The following SMARCA1 variants were observed in gnomAD, a reference collection of about 807,000 sequenced individuals.
SMARCA1 encodes SNF2 related chromatin remodeling ATPase 1.
A neutral mutation model predicts 93.6 loss-of-function variants in SMARCA1; 17 were observed. The ratio of observed to expected loss-of-function variants is 0.18; its 90% CI spans 0.12 to 0.27. SMARCA1 has a LOEUF of 0.27. Ranked by LOEUF, SMARCA1 falls within the 10% of genes least tolerant of loss-of-function variation. The probability of loss-of-function intolerance (pLI) is 1.00; values close to 1 mark genes in which losing one functional copy is unlikely to be tolerated. For synonymous variants in SMARCA1, 271 were observed against 271.4 expected (o/e 1.00, Z 0.01); for missense variants, 630 against 819.0 (o/e 0.77, Z 2.82).
At position 129,487,016 on chromosome X, in the gene SMARCA1, A is replaced by C; in HGVS notation, c.2217+2T>G. On this transcript the variant is annotated splice_donor_variant, in intron 17 of 24. Coordinates refer to ENST00000371121, the MANE Select transcript of SMARCA1 (RefSeq NM_001282874.2). LOFTEE classifies it high-confidence loss of function. The stretch of plus-strand genomic sequence containing the variant: ...GTCTAATGGTTGAGAGTAAAAAGTT[A>C]CCTTCTGTTTTTCTCTATAATCTTC... The C allele has an allele frequency of 8.6e-7, 1 of 1,169,003 alleles. No homozygotes were observed. Among genetic ancestry groups the C allele is most frequent in the Non-Finnish European group, 1.2e-6 (1 of 869,472 alleles).
At chrX:129,479,402 T>C (rs1325019827) in intron 19 of SMARCA1, among the ~76,000 whole-genome samples, 1 of 110,757 alleles carries the variant, frequency 9.0e-6, no homozygotes, top group Non-Finnish European at 1.9e-5. Flanking sequence ...GGTGTATCAC[T>C]GTTTTCACTT....
At chrX:129,506,529 TA>T (rs1407426366) in intron 7 of SMARCA1, among the ~76,000 whole-genome samples, 1 of 106,857 alleles carries the variant, frequency 9.4e-6, no homozygotes, top group Non-Finnish European at 1.9e-5. Flanking sequence ...CTACTAAAAA[TA>T]CAAAAAAAAA....
intron 23 of SMARCA1, among the ~76,000 whole-genome samples, chrX:129,460,065 G>A (rs1368732733): frequency 8.2e-5 from 9 of 110,362 alleles, no homozygotes; most frequent in Non-Finnish European, 1.3e-4. Flanking sequence ...TGGGAGGTTC[G>A]CTTGAGTCCA....
chrX:129,499,800 T>C lies in SMARCA1; in HGVS notation c.1209A>G (p.Val403=). The C allele has an allele frequency of 8.5e-7, 1 of 1,181,845 alleles. No individual in the cohort carries two copies. Among genetic ancestry groups the C allele is most frequent in the East Asian group, 3.0e-5 (1 of 33,226 alleles). ...CCTTTTTAGGTGGCAGACTCTTCTC[T>C]ACATCAGTTTTTATACGGCGTAACA... The part of the protein sequence containing the change: ...PFLLRRIKTD[V]EKSLPPKKEI... The change falls in exon 10 of 25, where the codon GTA becomes GTG. Residue 403 remains valine (V), a synonymous_variant. Coordinates refer to ENST00000371121, the MANE Select transcript of SMARCA1 (RefSeq NM_001282874.2).
rs1385508340 is a variant in SMARCA1, at chrX:129,468,834, G to A, written c.2637C>T (p.Asp879=). 1 of 1,177,342 alleles carries A rather than the reference G, an allele frequency of 8.5e-7. No individual in the cohort carries two copies. The highest frequency in any genetic ancestry group is 1.8e-5 in the African/African-American group (1 of 56,538). ...IKANEKYGRD[D]IDNIAREVEG... is the part of the protein sequence containing the mutation. The stretch of plus-strand genomic sequence containing the variant: ...CTACCTCTCGAGCTATGTTATCAAT[G>A]TCATCTCTTCCATATTTCTCATTAG... The change falls in exon 21 of 25, where the codon GAC becomes GAT. Residue 879 remains aspartate (D), a synonymous_variant. Coordinates refer to ENST00000371121, the MANE Select transcript of SMARCA1 (RefSeq NM_001282874.2).
intron 4 of SMARCA1, 39 bp downstream of exon 4, chrX:129,515,855 A>T (rs1173611842): frequency 4.3e-6 from 5 of 1,156,117 alleles, no homozygotes; most frequent in Non-Finnish European, 5.9e-6. Context: ...TTCTAAAACT[A>T]AATTGAAAAA....
intron 15 of SMARCA1, 95 bp downstream of exon 15, chrX:129,489,965 A>G (rs1426852985): frequency 3.2e-6 from 2 of 627,409 alleles, no homozygotes; most frequent in Non-Finnish European, 4.8e-6. Context: ...CTAAGTTTTC[A>G]AATTTTGGTC....
At chrX:129,447,452 T>A (rs1056330910) in intron 24 of SMARCA1, among the ~76,000 whole-genome samples, 3 of 111,710 alleles carry the variant, frequency 2.7e-5, no homozygotes, top group Non-Finnish European at 5.7e-5. Flanking sequence ...AGACATAAAA[T>A]ACCCATCAAA....
intron 19 of SMARCA1, among the ~76,000 whole-genome samples, chrX:129,474,611 T>C (rs1032402497): frequency 6.2e-5 from 7 of 112,248 alleles, no homozygotes; most frequent in Admixed American, 1.9e-4. Context: ...TTAATTAACA[T>C]AGCAAAACAA....
In SMARCA1 at chrX:129,523,322, C is replaced by G; in HGVS notation, c.49G>C (p.Ala17Pro). The G allele has an allele frequency of 6.7e-6, 8 of 1,201,923 alleles. No individual in the cohort carries two copies. The highest frequency in any genetic ancestry group is 9.0e-6 in the Non-Finnish European group (8 of 892,294). ...AVAATVAAAD[A>P]TATIVVIEDE... Reference sequence around the variant, plus strand: ...TCTATGACCACGATAGTGGCGGTCGCATCCGCGGCTGCCACGGTGGCTGCC... The same window carrying G: ...TCTATGACCACGATAGTGGCGGTCGGATCCGCGGCTGCCACGGTGGCTGCC... Residue 17 changes from alanine (A) to proline (P), a missense_variant, in exon 1 of 25, where the codon GCG becomes CCG. Ala to Pro is a conservative substitution (Grantham distance 27). Around this residue, in one of 4 missense-constraint regions of SMARCA1, gnomAD observed 103 missense variants for 82.0 expected, o/e 1.26. Coordinates refer to ENST00000371121, the MANE Select transcript of SMARCA1 (RefSeq NM_001282874.2).
rs1487654254 is a variant in SMARCA1 at position 129,447,077 on chromosome X, A to G, written c.*85T>C. ...CCAAAGAGATTTTTCTTAGAGTACC[A>G]TGAATACACTGGAACTGGCAATTAG... On this transcript the variant is annotated 3_prime_UTR_variant, in exon 25 of 25. Coordinates refer to ENST00000371121, the MANE Select transcript of SMARCA1 (RefSeq NM_001282874.2). The G allele has an allele frequency of 4.1e-6, 3 of 736,740 alleles. No homozygotes were observed. The highest frequency in any genetic ancestry group is 7.1e-5 in the East Asian group (2 of 28,213). 60.7% of individuals were successfully genotyped at this position (736,740 alleles called of 1,213,427 possible).
intron 17 of SMARCA1, among the ~76,000 whole-genome samples, chrX:129,482,134 G>A (rs1390696105): frequency 1.3e-4 from 11 of 83,687 alleles, no homozygotes; most frequent in African/African-American, 5.0e-4. Flanking sequence ...TGAACAATGA[G>A]ATCACATGGA....
intron 1 of SMARCA1, among the ~76,000 whole-genome samples, chrX:129,521,015 T>C (rs925897389): frequency 2.7e-5 from 3 of 109,755 alleles, no homozygotes; most frequent in African/African-American, 1.0e-4. Flanking sequence ...GTAGCTGGGA[T>C]TACAGGTGCC....
At position 129,461,248 on chromosome X, in the gene SMARCA1, G is replaced by A. The variant is rs765378250; in HGVS notation, c.3030+4272C>T. Reference sequence around the variant, plus strand: ...AATCTCCCCAGAGGTTAAAAGGTAAGAATTTTTTTTTTAACTAAAATTAAG... The same window carrying A: ...AATCTCCCCAGAGGTTAAAAGGTAAAAATTTTTTTTTTAACTAAAATTAAG... On this transcript the variant is annotated intron_variant, in intron 23 of 24. Coordinates refer to ENST00000371121, the MANE Select transcript of SMARCA1 (RefSeq NM_001282874.2). Among the ~76,000 whole-genome samples, 8 of 111,756 alleles carry A rather than the reference G, an allele frequency of 7.2e-5. No individual in the cohort carries two copies. The South Asian group carries it at 1.1e-3, about 16-fold the overall frequency.
intron 9 of SMARCA1, among the ~76,000 whole-genome samples, 185 bp downstream of exon 9, chrX:129,504,549 T>TAAAAAAAAAAAAA (rs780225300): frequency 6.2e-4 from 15 of 24,205 alleles, no homozygotes; most frequent in African/African-American, 1.7e-3. Context: ...CATAGAGGAA[T>TAAAAAAAAAAAAA]AAAAAAAAAA....
At chrX:129,501,825 G>A (rs1270409722) in intron 9 of SMARCA1, among the ~76,000 whole-genome samples, 2 of 110,058 alleles carry the variant, frequency 1.8e-5, no homozygotes, top group African/African-American at 6.6e-5. Context: ...ATGTTGGCCA[G>A]GATGGTCTCA....
At chrX:129,497,107 A>T (rs1470889582) in intron 11 of SMARCA1, among the ~76,000 whole-genome samples, 1 of 110,831 alleles carries the variant, frequency 9.0e-6, no homozygotes, top group African/African-American at 3.3e-5. Context: ...AATCCTCCAC[A>T]CATATTGCAA....
rs1416598204 is a variant in SMARCA1, at chrX:129,481,108, C to T, written c.2295G>A (p.Glu765=). ...TCTTTGGCTCGCTGACACGCAAAGC[C>T]TCTCTAAAGTAGGCATCCACTGCGT... ...ANYAVDAYFR[E]ALRVSEPKIP... is the part of the protein sequence containing the mutation. The change falls in exon 18 of 25, where the codon GAG becomes GAA. Residue 765 remains glutamate, a synonymous_variant. Transcript: ENST00000371121. 1 of 1,204,491 alleles carries T rather than the reference C, an allele frequency of 8.3e-7. No individual in the cohort carries two copies. The highest frequency in any genetic ancestry group is 1.1e-6 in the Non-Finnish European group (1 of 891,084).
chrX:129,455,467 A>C, intron 23 of SMARCA1, among the ~76,000 whole-genome samples: 2 of 105,088 alleles, frequency 1.9e-5, no homozygotes, highest in Non-Finnish European at 2.0e-5. Flanking sequence ...GGGGTGGGGG[A>C]CTAGGGGAGG....
Sources: allele counts gnomAD v4.1 joint callset (sites outside exome capture counted in the v4.1 genomes callset), GRCh38; gene constraint gnomAD v4.1.1; regional missense constraint gnomAD v4.1.1; transcripts MANE v1.5; gene names NCBI Gene and HGNC (gene_info 2026-07-23, HGNC 2026-07-21).